Variants in CADM2 observed in about 807,000 individuals in gnomAD.
CADM2 encodes cell adhesion molecule 2.
A neutral mutation model predicts 49.8 loss-of-function variants in CADM2; 12 were observed. The observed-to-expected ratio is 0.24, with a 90% confidence interval of 0.15 to 0.39. The LOEUF (loss-of-function observed/expected upper bound fraction) is 0.39. Among genes scored for constraint, CADM2 ranks in the 10% least tolerant of loss-of-function variants. The probability of loss-of-function intolerance (pLI) is 1.00; values close to 1 mark genes in which losing one functional copy is unlikely to be tolerated. For missense variants in CADM2, 378 were observed against 492.3 expected, an observed-to-expected ratio of 0.77 and a Z score of 2.20; for synonymous variants, 214 against 175.4, an observed-to-expected ratio of 1.22 and a Z score of -1.74.
intron 8 of CADM2, chr3:86,012,471 C>T (rs1731639981): frequency 1.3e-6 from 1 of 778,484 alleles, no homozygotes; most frequent in Non-Finnish European, 1.9e-6. Flanking sequence ...AGCCGGCCGA[C>T]CTGGCTCTCC....
At chr3:85,455,646 TCTTA>T (rs761942202) in intron 1 of CADM2, among the ~76,000 whole-genome samples, 1 of 152,138 alleles carries the variant, frequency 6.6e-6, no homozygotes, top group African/African-American at 2.4e-5. Context: ...CCATTGAAAT[TCTTA>T]CTTAATATCA....
Position 85,421,426 on chromosome 3 carries a change from C to T in CADM2, c.62-305096C>T, listed in dbSNP as rs60299405. The stretch of plus-strand genomic sequence containing the variant: ...TCATCTCTTCAAATTAATTATTTAA[C>T]GTGTAGAAATTAATTCATGCAGAAG... On this transcript the variant is annotated intron_variant, in intron 1 of 9. Transcript: ENST00000383699. Among the ~76,000 whole-genome samples the T allele has an allele frequency of 3.8e-3, 583 of 152,116 alleles. 3 individuals carry two copies. Among genetic ancestry groups the T allele is most frequent in the African/African-American group, 0.014 (564 of 41,490 alleles).
intron 8 of CADM2, chr3:86,014,061 T>C: frequency 7.6e-7 from 1 of 1,316,988 alleles, no homozygotes; most frequent in Non-Finnish European, 1.0e-6. Context: ...TTCTGTTCTT[T>C]TTCACAACGG....
intron 1 of CADM2, among the ~76,000 whole-genome samples, chr3:85,288,791 C>T (rs901625069): frequency 1.5e-5 from 2 of 133,950 alleles, no homozygotes; most frequent in Non-Finnish European, 3.3e-5. Flanking sequence ...TATGCCCCCC[C>T]CCCCTCTTTT....
chr3:85,620,160 G>A (rs1174660873), intron 1 of CADM2, among the ~76,000 whole-genome samples: 1 of 151,936 alleles, frequency 6.6e-6, no homozygotes, highest in Non-Finnish European at 1.5e-5. Flanking sequence ...CACATGGAAA[G>A]GAATTAAAGC....
intron 1 of CADM2, among the ~76,000 whole-genome samples, chr3:85,624,769 C>G (rs1576960238): frequency 6.6e-6 from 1 of 151,954 alleles, no homozygotes; most frequent in Non-Finnish European, 1.5e-5. Context: ...ATGCTTCTGT[C>G]TTATGAATGA....
chr3:85,091,300 A>G (rs939680219), intron 1 of CADM2, among the ~76,000 whole-genome samples: 3 of 152,142 alleles, frequency 2.0e-5, no homozygotes, highest in African/African-American at 7.2e-5. Flanking sequence ...CAGCTAAATG[A>G]TCTAGTTATG....
At chr3:85,471,776 C>T (rs1300665710) in intron 1 of CADM2, among the ~76,000 whole-genome samples, 1 of 149,442 alleles carries the variant, frequency 6.7e-6, no homozygotes, top group East Asian at 2.0e-4. Flanking sequence ...CTGACAGAGA[C>T]AAAATATCAC....
intron 1 of CADM2, among the ~76,000 whole-genome samples, chr3:85,325,406 A>C (rs2044723627): frequency 6.6e-6 from 1 of 152,148 alleles, no homozygotes; most frequent in Non-Finnish European, 1.5e-5. Context: ...ATATCAGTTA[A>C]TTACTTTTCT....
At chr3:85,635,146 T>G (rs2064428394) in intron 1 of CADM2, among the ~76,000 whole-genome samples, 2 of 152,134 alleles carry the variant, frequency 1.3e-5, no homozygotes, top group Non-Finnish European at 2.9e-5. Context: ...TAGCTTATTC[T>G]AAACCTCCAT....
At chr3:85,482,863 T>C (rs1284555926) in intron 1 of CADM2, among the ~76,000 whole-genome samples, 3 of 151,632 alleles carry the variant, frequency 2.0e-5, no homozygotes, top group African/African-American at 7.2e-5. Flanking sequence ...TTAAAAATAA[T>C]AGTTGATTTA....
intron 2 of CADM2, among the ~76,000 whole-genome samples, chr3:85,752,443 C>T (rs1055492921): frequency 2.0e-5 from 3 of 147,272 alleles, no homozygotes; most frequent in African/African-American, 7.6e-5. Context: ...TTCTTCTCTC[C>T]CTTCTCCTTA....
chr3:85,976,020 AGT>A (rs1204359405), intron 8 of CADM2, among the ~76,000 whole-genome samples: 4 of 151,644 alleles, frequency 2.6e-5, no homozygotes, highest in Non-Finnish European at 4.4e-5. Flanking sequence ...TTAAAATATT[AGT>A]ATAACTGCAG....
chr3:85,904,859 A>G (rs971970260), intron 5 of CADM2, among the ~76,000 whole-genome samples: 1 of 152,086 alleles, frequency 6.6e-6, no homozygotes, highest in Non-Finnish European at 1.5e-5. Flanking sequence ...TTTTTCATAG[A>G]TAAAATCTGC....
At chr3:85,865,338 CT>C (rs546114913) in intron 3 of CADM2, among the ~76,000 whole-genome samples, 33 of 152,292 alleles carry the variant, frequency 2.2e-4, no homozygotes, top group Admixed American at 2.0e-3. Flanking sequence ...TCTCTGCTTA[CT>C]TTATTTATTT....
At chr3:85,252,589 T>C (rs2042800269) in intron 1 of CADM2, among the ~76,000 whole-genome samples, 1 of 152,036 alleles carries the variant, frequency 6.6e-6, no homozygotes, top group South Asian at 2.1e-4. Flanking sequence ...TCTTAATATT[T>C]TATGGGAATT....
At chr3:85,985,146 C>T (rs1727936937) in intron 8 of CADM2, among the ~76,000 whole-genome samples, 1 of 151,874 alleles carries the variant, frequency 6.6e-6, no homozygotes, top group South Asian at 2.1e-4. Flanking sequence ...ATATTTACTT[C>T]TCAAAGTTCT....
At chr3:85,451,651 C>G (rs1000595687) in intron 1 of CADM2, among the ~76,000 whole-genome samples, 12 of 152,056 alleles carry the variant, frequency 7.9e-5, no homozygotes, top group Non-Finnish European at 1.6e-4. Flanking sequence ...ATCATAGGCT[C>G]TTAGTAATTT....
At chr3:85,631,369 C>T (rs1487303923) in intron 1 of CADM2, among the ~76,000 whole-genome samples, 1 of 152,056 alleles carries the variant, frequency 6.6e-6, no homozygotes, top group Non-Finnish European at 1.5e-5. Context: ...AACAAATACA[C>T]TGTATGTAAT....
Sources: gnomAD v4.1 joint callset for allele counts (sites outside exome capture counted in the v4.1 genomes callset) on GRCh38, gnomAD v4.1.1 for gene constraint, MANE v1.5 for transcripts, NCBI Gene and HGNC (gene_info 2026-07-23, HGNC 2026-07-21) for gene names.